The following POU2F1 variants were observed in gnomAD, a reference collection of about 807,000 sequenced individuals.
POU2F1 encodes the protein POU class 2 homeobox 1.
Under a neutral mutation model 84.9 loss-of-function variants are expected in POU2F1, and 16 were observed. The observed-to-expected ratio is 0.19, with a 90% CI of 0.13 to 0.29. The LOEUF (loss-of-function observed/expected upper bound fraction) is 0.29. POU2F1 is among the 10% of genes least tolerant of loss of function. The pLI, the probability that POU2F1 is intolerant of heterozygous loss-of-function variation, is 1.00. For missense variants in POU2F1, 738 were observed against 942.6 expected (o/e 0.78, Z 2.84); for synonymous variants, 368 against 368.3 (o/e 1.00, Z 0.01).
Position 167,427,048 on chromosome 1 carries a change from T to C in POU2F1, c.*11238T>C, listed in dbSNP as rs1651000290. The C allele has an allele frequency of 6.6e-6, 1 of 152,206 alleles. No individual in the cohort carries two copies. The highest frequency in any genetic ancestry group is 2.1e-4 in the South Asian group (1 of 4,834). 9.4% of individuals were successfully genotyped at this position (152,206 alleles called of 1,614,324 possible). On this transcript the variant is annotated 3_prime_UTR_variant, in exon 16 of 16. Transcript: ENST00000367866. ...TGAAAACCTGAAACACAGGCAACTT[T>C]ACATTTTGGGGAATTAGCTGATGCC...
intron 2 of POU2F1, 66 bp from the exon 3 acceptor site, chr1:167,365,401 C>G (rs995381606): frequency 1.6e-6 from 2 of 1,246,198 alleles, no homozygotes; most frequent in Non-Finnish European, 2.2e-6. Flanking sequence ...ATGTTGGTAA[C>G]TGAAATCTAG....
intron 13 of POU2F1, among the ~76,000 whole-genome samples, 170 bp downstream of exon 13, chr1:167,401,726 CG>C (rs1337754914): frequency 6.6e-6 from 1 of 152,166 alleles, no homozygotes; most frequent in Non-Finnish European, 1.5e-5. Context: ...CTTCAATAGC[CG>C]TGGCTTTTTG....
intron 1 of POU2F1, among the ~76,000 whole-genome samples, chr1:167,233,600 C>A (rs1649231511): frequency 6.6e-6 from 1 of 152,182 alleles, no homozygotes; most frequent in African/African-American, 2.4e-5. Flanking sequence ...TAAATATGCT[C>A]TGTGATCACA....
chr1:167,237,746 GTATATATATATATA>G (rs58988722), intron 1 of POU2F1, among the ~76,000 whole-genome samples: 1 of 73,004 alleles, frequency 1.4e-5, no homozygotes, highest in African/African-American at 5.4e-5. Context: ...ATGTGTGTGT[GTATATATATATATA>G]TATATATATA....
chr1:167,265,586 A>G (rs1364797928), intron 1 of POU2F1, among the ~76,000 whole-genome samples: 1 of 152,204 alleles, frequency 6.6e-6, no homozygotes, highest in Non-Finnish European at 1.5e-5. Context: ...TTAAAAATCA[A>G]ACTTATGAGA....
chr1:167,389,582 C>G lies in POU2F1; in HGVS notation c.814-6C>G, dbSNP rs753493845. On this transcript the variant is annotated splice_region_variant and splice_polypyrimidine_tract_variant and intron_variant, in intron 8 of 15. Transcript: ENST00000367866. ...TTTCCTCATTGTTTTATTCTTTCTC[C>G]AACAGCCAGCAACCCCAACACGCAC... 1 of 1,613,828 alleles carries G rather than the reference C, an allele frequency of 6.2e-7. No homozygotes were observed. The highest frequency in any genetic ancestry group is 1.1e-5 in the South Asian group (1 of 91,054).
intron 1 of POU2F1, among the ~76,000 whole-genome samples, chr1:167,285,488 A>T (rs1653462639): frequency 1.3e-5 from 2 of 152,040 alleles, no homozygotes; most frequent in South Asian, 4.2e-4. Context: ...GCTACTTGGG[A>T]GGCTGAAGCA....
At chr1:167,363,733 TAGA>T (rs1238279497) in intron 2 of POU2F1, among the ~76,000 whole-genome samples, 1 of 152,218 alleles carries the variant, frequency 6.6e-6, no homozygotes, top group East Asian at 1.9e-4. Flanking sequence ...TAGGAAAAAA[TAGA>T]AGCGATTTTA....
intron 3 of POU2F1, 32 bp downstream of exon 3, chr1:167,365,599 G>C: frequency 6.6e-7 from 1 of 1,504,696 alleles, no homozygotes; most frequent in Non-Finnish European, 9.0e-7. Context: ...ATCAGTGAGA[G>C]TGAAAGATAG....
At chr1:167,393,390 A>G (rs1395900419) in intron 9 of POU2F1, among the ~76,000 whole-genome samples, 1 of 152,224 alleles carries the variant, frequency 6.6e-6, no homozygotes, top group Non-Finnish European at 1.5e-5. Context: ...ATTATTTATT[A>G]TCATGGTTCT....
intron 2 of POU2F1, among the ~76,000 whole-genome samples, chr1:167,360,901 T>G (rs1299033074): frequency 1.3e-5 from 2 of 152,102 alleles, no homozygotes; most frequent in Non-Finnish European, 2.9e-5. Context: ...CATAGATATC[T>G]TTCACCTCCT....
At chr1:167,303,931 G>A (rs754986187) in intron 1 of POU2F1, among the ~76,000 whole-genome samples, 3 of 152,116 alleles carry the variant, frequency 2.0e-5, no homozygotes, top group East Asian at 1.9e-4. Flanking sequence ...CTGTATGATA[G>A]TTTAATAGAA....
At chr1:167,234,749 A>T (rs538715771) in intron 1 of POU2F1, among the ~76,000 whole-genome samples, 7 of 152,150 alleles carry the variant, frequency 4.6e-5, no homozygotes, top group Non-Finnish European at 1.0e-4. Flanking sequence ...ACAAATATAT[A>T]TGAAACTGAA....
chr1:167,315,319 T>C (rs1219785579), intron 1 of POU2F1, among the ~76,000 whole-genome samples: 2 of 152,246 alleles, frequency 1.3e-5, no homozygotes. Flanking sequence ...TTACATATTA[T>C]ATATGAGTCC....
intron 1 of POU2F1, among the ~76,000 whole-genome samples, chr1:167,293,718 CTGTAGT>C (rs1463233638): frequency 6.6e-6 from 1 of 152,162 alleles, no homozygotes. Flanking sequence ...TACTACAAGG[CTGTAGT>C]TACCAAAGCA....
chr1:167,311,771 C>CTTTT (rs34368270), intron 1 of POU2F1, among the ~76,000 whole-genome samples: 1 of 144,636 alleles, frequency 6.9e-6, no homozygotes, highest in Non-Finnish European at 1.5e-5. Flanking sequence ...TACAAAAAAT[C>CTTTT]ATTTATTTAT....
At chr1:167,384,767 A>G (rs1418168792) in intron 8 of POU2F1, among the ~76,000 whole-genome samples, 2 of 152,114 alleles carry the variant, frequency 1.3e-5, no homozygotes, top group Admixed American at 6.5e-5. Flanking sequence ...CGAAAAACTG[A>G]ATACTTTCCC....
At chr1:167,237,744 GTGTA>G (rs1299674103) in intron 1 of POU2F1, among the ~76,000 whole-genome samples, 30 of 18,518 alleles carry the variant, frequency 1.6e-3, no homozygotes, top group African/African-American at 2.9e-3. Context: ...ATATGTGTGT[GTGTA>G]TATATATATA....
chr1:167,286,571 A>G (rs1371570097), intron 1 of POU2F1, among the ~76,000 whole-genome samples: 1 of 152,216 alleles, frequency 6.6e-6, no homozygotes, highest in African/African-American at 2.4e-5. Context: ...AGCAGGAATC[A>G]CTGAGGTAAT....
Sources: allele counts gnomAD v4.1 joint callset (sites outside exome capture counted in the v4.1 genomes callset), GRCh38; gene constraint gnomAD v4.1.1; transcripts MANE v1.5; gene names NCBI Gene and HGNC (gene_info 2026-07-23, HGNC 2026-07-21).